Variants in CACNA1B observed in about 807,000 individuals in gnomAD.
CACNA1B encodes the protein calcium voltage-gated channel subunit alpha1 B.
A neutral mutation model predicts 247.2 loss-of-function variants in CACNA1B; 70 were observed. The ratio of observed to expected loss-of-function variants is 0.28; its 90% CI spans 0.23 to 0.35. The LOEUF (loss-of-function observed/expected upper bound fraction) is 0.35, where lower values mean the gene tolerates loss of function less well. CACNA1B is among the 10% of genes least tolerant of loss of function. CACNA1B has a pLI of 1.00. For missense variants in CACNA1B, 2,367 were observed against 3,197.4 expected (o/e 0.74, Z 6.26); for synonymous variants, 1,231 against 1,294.4 (o/e 0.95, Z 1.05).
At chr9:138,018,026 C>T (rs1958814500) in intron 18 of CACNA1B, among the ~76,000 whole-genome samples, 1 of 77,328 alleles carries the variant, frequency 1.3e-5, no homozygotes, top group Non-Finnish European at 2.8e-5. Context: ...AGTTAGGCCA[C>T]CTGCCCTGAT....
intron 39 of CACNA1B, among the ~76,000 whole-genome samples, chr9:138,112,140 G>A (rs190563507): frequency 1.5e-4 from 17 of 113,340 alleles, no homozygotes; most frequent in African/African-American, 4.1e-4. Flanking sequence ...CACACACGTC[G>A]GACACACACG....
At chr9:137,897,831 C>A (rs888084606) in intron 3 of CACNA1B, among the ~76,000 whole-genome samples, 2 of 152,104 alleles carry the variant, frequency 1.3e-5, no homozygotes, top group South Asian at 4.2e-4. Flanking sequence ...AGGCACCCAC[C>A]ACCATGGCCA....
Position 138,009,997 on chromosome 9 carries a change from T to C in CACNA1B, c.2093-13T>C. 3 of 1,611,930 alleles carry C rather than the reference T, an allele frequency of 1.9e-6. No individual in the cohort carries two copies. The highest frequency in any genetic ancestry group is 2.5e-6 in the Non-Finnish European group (3 of 1,178,190). On this transcript the variant is annotated splice_polypyrimidine_tract_variant and intron_variant, in intron 16 of 46. Coordinates refer to ENST00000371372, the MANE Select transcript of CACNA1B (RefSeq NM_000718.4). ...TGGGGCAGAGGTTCCCTTCCTCAGC[T>C]GGACCCAACCAGACACTCTGCTGAA...
Position 137,914,508 on chromosome 9 carries a change from C to A in CACNA1B, c.623-146C>A. 1 of 645,056 alleles carries A rather than the reference C, an allele frequency of 1.6e-6. No individual in the cohort carries two copies. Among genetic ancestry groups the A allele is most frequent in the Admixed American group, 2.8e-5 (1 of 35,414 alleles). The allele number at this position is 645,056 out of a possible 1,614,324, so 40.0% of individuals were successfully genotyped here. On this transcript the variant is annotated intron_variant, in intron 4 of 46. Coordinates refer to ENST00000371372, the MANE Select transcript of CACNA1B (RefSeq NM_000718.4). The surrounding 1 kb of genome is among the most constrained non-coding windows in gnomAD (Gnocchi z 4.3). ...TGCCCCTCTGCGCCTTAAGGGGCTT[C>A]AGCTCTATCCTTTGCCCTTGCAAGC...
intron 10 of CACNA1B, among the ~76,000 whole-genome samples, chr9:137,965,099 A>G (rs555621182): frequency 2.1e-4 from 32 of 152,274 alleles, no homozygotes; most frequent in Admixed American, 8.5e-4. Context: ...GTGCTGACCT[A>G]TTGCTGGCCT....
Position 138,100,620 on chromosome 9 carries a change from G to A in CACNA1B, c.5223-2091G>A, listed in dbSNP as rs1308565256. ...TGGTGATCCAAGGATGCCAGCCTAC[G>A]ATGAGAGGAGGTCCTTAGCTGGACC... On this transcript the variant is annotated intron_variant, in intron 37 of 46. Coordinates refer to ENST00000371372, the MANE Select transcript of CACNA1B (RefSeq NM_000718.4). This position sits in a 1 kb window ranked among gnomAD's most constrained non-coding sequence, Gnocchi z 4.6. Among the ~76,000 whole-genome samples, 1 of 152,118 alleles carries A rather than the reference G, an allele frequency of 6.6e-6. No individual in the cohort carries two copies. The highest frequency in any genetic ancestry group is 1.5e-5 in the Non-Finnish European group (1 of 68,018).
At chr9:138,044,808 T>A (rs1959169535) in intron 21 of CACNA1B, among the ~76,000 whole-genome samples, 1 of 152,228 alleles carries the variant, frequency 6.6e-6, no homozygotes, top group Non-Finnish European at 1.5e-5. Flanking sequence ...TACCAAGCCC[T>A]GCATTACCCC....
intron 15 of CACNA1B, among the ~76,000 whole-genome samples, chr9:138,000,111 T>C (rs1162043340): frequency 6.6e-6 from 1 of 151,818 alleles, no homozygotes; most frequent in Non-Finnish European, 1.5e-5. Context: ...CTTTTTTTTT[T>C]TTTTTGAGAT....
In CACNA1B at chr9:138,118,721, A is replaced by G; in HGVS notation, c.5983A>G (p.Ser1995Gly). ...TGGGGAGCCCCAGCCTGGGCTGGAGAGCCAGGGTCGAGCGGCCTCCATGCC... is the reference window on the plus strand; with the variant it reads ...TGGGGAGCCCCAGCCTGGGCTGGAGGGCCAGGGTCGAGCGGCCTCCATGCC... ...PDGEPQPGLE[S>G]QGRAASMPRL... Residue 1995 changes from serine to glycine, a missense_variant, in exon 44 of 47, where the codon AGC becomes GGC. Around this residue, in one of 12 missense-constraint regions of CACNA1B, gnomAD observed 773 missense variants for 779.4 expected, o/e 0.99. Transcript: ENST00000371372. 6.4e-7 allele frequency: 1 copy of G among 1,559,178 alleles called. No homozygotes were observed. Among genetic ancestry groups the G allele is most frequent in the South Asian group, 1.2e-5 (1 of 84,776 alleles).
intron 36 of CACNA1B, among the ~76,000 whole-genome samples, chr9:138,090,505 A>T (rs984188747): frequency 2.0e-5 from 3 of 152,034 alleles, no homozygotes; most frequent in Non-Finnish European, 2.9e-5. Flanking sequence ...CAAAAATTGT[A>T]TGGAGAAGAC....
rs1959400226 is a variant in CACNA1B at position 138,054,035 on chromosome 9, C to T, written c.3968+29C>T. 1 of 1,606,150 alleles carries T rather than the reference C, an allele frequency of 6.2e-7. No individual in the cohort carries two copies. The highest frequency in any genetic ancestry group is 8.5e-7 in the Non-Finnish European group (1 of 1,173,584). ...AACTGAGGCAGGGTGCAAGGTGGGACACACAGCCCCATGATGCAGACAACA... is the reference window on the plus strand; with the variant it reads ...AACTGAGGCAGGGTGCAAGGTGGGATACACAGCCCCATGATGCAGACAACA... On this transcript the variant is annotated intron_variant, in intron 26 of 46. Transcript: ENST00000371372. This position sits in a 1 kb window ranked among gnomAD's most constrained non-coding sequence, Gnocchi z 4.6.
chr9:137,984,089 G>C, intron 12 of CACNA1B, 49 bp from the exon 13 acceptor site: 2 of 1,337,872 alleles, frequency 1.5e-6, no homozygotes, highest in Non-Finnish European at 2.1e-6. Flanking sequence ...CCATCTGCAT[G>C]CACAGGTGCA....
At position 138,023,183 on chromosome 9, in the gene CACNA1B, G is replaced by A; in HGVS notation, c.2440G>A (p.Asp814Asn). The A allele has an allele frequency of 6.6e-7, 1 of 1,523,986 alleles. No individual in the cohort carries two copies. The highest frequency in any genetic ancestry group is 2.6e-5 in the East Asian group (1 of 39,072). 94.4% of individuals were successfully genotyped at this position (1,523,986 alleles called of 1,614,324 possible). A position where few individuals can be genotyped will look rare whatever the true frequency, so the allele number is the denominator to read the frequency against. Residue 814 changes from aspartate to asparagine, a missense_variant, in exon 19 of 47, where the codon GAC (aspartate) becomes AAC (asparagine). This residue lies in a region of CACNA1B where 631 missense variants were observed against 631.1 expected (regional missense o/e 1.00). Transcript: ENST00000371372. The part of the protein sequence containing the change: ...HLRPDMKTHL[D>N]RPLVVELGRD... ...GCGGCCCGACATGAAGACGCACCTG[G>A]ACCGGCCGCTGGTGGTGGAGCTGGG...
chr9:138,120,276 T>G lies in CACNA1B; in HGVS notation c.6142T>G (p.Ser2048Ala), dbSNP rs1265065928. Residue 2048 changes from serine (S) to alanine (A), a missense_variant, in exon 45 of 47, where the codon TCG (serine) becomes GCG (alanine). Transcript: ENST00000371372. ...GGACCGCCCACCCCCTAGCCAGGCG[T>G]CGTCGCACCACCACCACCACCGCTG... ...TPDRPPPSQA[S>A]SHHHHHRCHR... 2.1e-5 allele frequency: 34 copies of G among 1,585,994 alleles called. No individual in the cohort carries two copies. Among genetic ancestry groups the G allele is most frequent in the East Asian group, 7.0e-5 (3 of 43,084 alleles).
chr9:138,105,903 GA>G (rs1378976981), intron 39 of CACNA1B, 96 bp downstream of exon 39: 4 of 724,846 alleles, frequency 5.5e-6, no homozygotes, highest in Non-Finnish European at 9.6e-6. Context: ...GGAGGAGGGT[GA>G]GGGGCCAGCT....
intron 35 of CACNA1B, among the ~76,000 whole-genome samples, chr9:138,076,235 C>A (rs1564274628): frequency 6.6e-6 from 1 of 152,310 alleles, no homozygotes; most frequent in East Asian, 1.9e-4. Flanking sequence ...AGGCTCCAGG[C>A]AGAGGTCTGG....
chr9:137,922,226 G>T (rs892111430), intron 6 of CACNA1B, among the ~76,000 whole-genome samples: 1 of 136,644 alleles, frequency 7.3e-6, no homozygotes, highest in Admixed American at 7.4e-5. Context: ...CACCACGACC[G>T]CAAAGCATCC....
At position 137,952,953 on chromosome 9, in the gene CACNA1B, GGT is replaced by G. The variant is rs1205491938; in HGVS notation, c.1070+579_1070+580del. On this transcript the variant is annotated intron_variant, in intron 7 of 46. Coordinates refer to ENST00000371372, the MANE Select transcript of CACNA1B (RefSeq NM_000718.4). The surrounding 1 kb of genome is among the most constrained non-coding windows in gnomAD (Gnocchi z 4.8). ...GCTCGCCACCCTGGCCCTGACTGCTGGTGTCCACTTCCTCTCAGGTCACCTCT... is the reference window on the plus strand; with the variant it reads ...GCTCGCCACCCTGGCCCTGACTGCTGGTCCACTTCCTCTCAGGTCACCTCT... Among the ~76,000 whole-genome samples the G allele has an allele frequency of 2.0e-5, 3 of 152,152 alleles. No individual in the cohort carries two copies. The highest frequency in any genetic ancestry group is 7.2e-5 in the African/African-American group (3 of 41,418).
chr9:137,958,034 C>T (rs1038362737), intron 10 of CACNA1B, among the ~76,000 whole-genome samples: 1 of 152,212 alleles, frequency 6.6e-6, no homozygotes, highest in Non-Finnish European at 1.5e-5. Context: ...TGTGTCGGTT[C>T]CCTTCCTCTC....
Sources: gnomAD v4.1 joint callset for allele counts (sites outside exome capture counted in the v4.1 genomes callset) on GRCh38, gnomAD v4.1.1 for gene constraint, gnomAD v4.1.1 regional missense constraint, Gnocchi (gnomAD v3.1) non-coding constraint, MANE v1.5 for transcripts, NCBI Gene and HGNC (gene_info 2026-07-23, HGNC 2026-07-21) for gene names.